NCKAP5L: variants seen among roughly 807,000 people sequenced by gnomAD.
NCKAP5L encodes NCK associated protein 5 like, also known as nck-associated protein 5-like.
NCKAP5L carries 54 observed loss-of-function variants against 103.2 expected under a neutral mutation model. The observed-to-expected ratio is 0.52, with a 90% confidence interval of 0.42 to 0.66. The LOEUF (loss-of-function observed/expected upper bound fraction) is 0.66. Ranked by LOEUF, NCKAP5L falls within the 30% of genes least tolerant of loss-of-function variation. The pLI, the probability that NCKAP5L is intolerant of heterozygous loss-of-function variation, is 0.00. For synonymous variants in NCKAP5L, 762 were observed against 748.6 expected (o/e 1.02, Z -0.29); for missense variants, 1,733 against 1,750.6 (o/e 0.99, Z 0.18).
intron 1 of NCKAP5L, among the ~76,000 whole-genome samples, chr12:49,809,005 A>G (rs1946211208): frequency 6.6e-6 from 1 of 151,930 alleles, no homozygotes; most frequent in African/African-American, 2.4e-5. Flanking sequence ...AGGGGGGAGA[A>G]GAGCGGAGTC....
At chr12:49,824,100 C>A (rs1029885779) in intron 1 of NCKAP5L, among the ~76,000 whole-genome samples, 5 of 152,154 alleles carry the variant, frequency 3.3e-5, no homozygotes, top group Admixed American at 2.6e-4. Flanking sequence ...GAAGAAAGAC[C>A]CAGATATGTG....
At position 49,795,459 on chromosome 12, in the gene NCKAP5L, C is replaced by A. The variant is rs775207927; in HGVS notation, c.2401G>T (p.Ala801Ser). 2.6e-6 allele frequency: 4 copies of A among 1,559,638 alleles called. No homozygotes were observed. Among genetic ancestry groups the A allele is most frequent in the Non-Finnish European group, 3.5e-6 (4 of 1,158,792 alleles). Residue 801 changes from alanine to serine, a missense_variant, in exon 8 of 13, where the codon GCC (alanine) becomes TCC (serine). By Grantham distance (99) the Ala-to-Ser change is moderately conservative (BLOSUM62 1). Transcript: ENST00000335999. ...PRTPAKVPTS[A>S]PSLGKPNKSP... ...TTATTGGGCTTGCCCAGGCTTGGGGCTGAGGTTGGCACTTTGGCAGGGGTA... is the reference window on the plus strand; with the variant it reads ...TTATTGGGCTTGCCCAGGCTTGGGGATGAGGTTGGCACTTTGGCAGGGGTA...
intron 6 of NCKAP5L, among the ~76,000 whole-genome samples, chr12:49,799,089 T>G (rs978261140): frequency 6.6e-6 from 1 of 152,102 alleles, no homozygotes; most frequent in African/African-American, 2.4e-5. Flanking sequence ...TTCACAGCCT[T>G]TAAACCCTGT....
chr12:49,824,304 G>GC (rs1353138058), intron 1 of NCKAP5L, among the ~76,000 whole-genome samples: 1 of 152,190 alleles, frequency 6.6e-6, no homozygotes, highest in Non-Finnish European at 1.5e-5. Flanking sequence ...CCTCCGAACA[G>GC]CCCCACGCCA....
chr12:49,812,133 A>G (rs1016753482), intron 1 of NCKAP5L, among the ~76,000 whole-genome samples: 1 of 152,116 alleles, frequency 6.6e-6, no homozygotes, highest in Admixed American at 6.5e-5. Flanking sequence ...AATCATCAAC[A>G]TGGTTAATTT....
chr12:49,816,495 C>CAAAAAAAAAA lies in NCKAP5L; in HGVS notation c.-98-10464_-98-10455dup, dbSNP rs1163941989. Among the ~76,000 whole-genome samples, 200 of 49,422 alleles carry CAAAAAAAAAA rather than the reference C, an allele frequency of 4.0e-3. 15 individuals are homozygous for CAAAAAAAAAA. The highest frequency in any genetic ancestry group is 0.013 in the African/African-American group (170 of 13,048). The allele number at this position is 49,422 out of a possible 152,430, so 32.4% of individuals were successfully genotyped here. On this transcript the variant is annotated intron_variant, in intron 1 of 12. Coordinates refer to ENST00000335999, the MANE Select transcript of NCKAP5L (RefSeq NM_001037806.4). ...ACCCTTTCAAAGTTCTCAACCCTCT[C>CAAAAAAAAAA]AAAAAAAAAAAAAAAAAAAAAAGGC... is the stretch of plus-strand genomic sequence containing the variant.
chr12:49,803,109 G>A lies in NCKAP5L; in HGVS notation c.180C>T (p.Arg60=), dbSNP rs1164044709. 6.2e-7 allele frequency: 1 copy of A among 1,614,164 alleles called. No individual in the cohort carries two copies. Among genetic ancestry groups the A allele is most frequent in the Admixed American group, 1.7e-5 (1 of 60,016 alleles). The change falls in exon 4 of 13, where the codon CGC becomes CGT. Residue 60 remains arginine, a synonymous_variant. Transcript: ENST00000335999. ...ANENQRETYE[R]CLDEVANHVV... is the part of the protein sequence containing the mutation. ...CAGACCCACAGACCTCGTCCAGACAGCGCTCATAAGTCTCCCGCTGGTTTT... is the reference window on the plus strand; with the variant it reads ...CAGACCCACAGACCTCGTCCAGACAACGCTCATAAGTCTCCCGCTGGTTTT...
At chr12:49,801,992 GGAA>G (rs1946125489) in intron 5 of NCKAP5L, 25 bp from the exon 6 acceptor site, 5 of 1,612,292 alleles carry the variant, frequency 3.1e-6, no homozygotes, top group Admixed American at 1.7e-5. Flanking sequence ...GGGAAGTGCA[GGAA>G]GAAGAGGTGA....
intron 8 of NCKAP5L, 52 bp from the exon 9 acceptor site, chr12:49,793,948 T>A: frequency 7.1e-7 from 1 of 1,409,546 alleles, no homozygotes; most frequent in South Asian, 1.7e-5. Flanking sequence ...TGCCCAGACA[T>A]TCCAGCCTTG....
chr12:49,804,774 G>C (rs1419163541), intron 2 of NCKAP5L: 1 of 152,254 alleles, frequency 6.6e-6, no homozygotes, highest in Non-Finnish European at 1.5e-5. Context: ...CCCTTACAGG[G>C]TCATTGTGAG....
chr12:49,821,122 T>C (rs566935624), intron 1 of NCKAP5L, among the ~76,000 whole-genome samples: 26 of 152,288 alleles, frequency 1.7e-4, no homozygotes, highest in Non-Finnish European at 3.5e-4. Context: ...CTTCAAGGCC[T>C]GTAGGCTTTC....
chr12:49,793,901 G>A lies in NCKAP5L; in HGVS notation c.3096-5C>T. On this transcript the variant is annotated splice_polypyrimidine_tract_variant and splice_region_variant and intron_variant, in intron 8 of 12. Transcript: ENST00000335999. ...GGCAGCTCCTTGCCATCCACCCTAT[G>A]GGCAACAGTGCAGATATAGGTGAGG... The A allele has an allele frequency of 6.5e-7, 1 of 1,533,276 alleles. No homozygotes were observed. Among genetic ancestry groups the A allele is most frequent in the Non-Finnish European group, 8.8e-7 (1 of 1,139,862 alleles). The allele number at this position is 1,533,276 out of a possible 1,614,324, so 95.0% of individuals were successfully genotyped here.
intron 1 of NCKAP5L, among the ~76,000 whole-genome samples, chr12:49,809,439 C>T (rs1051581426): frequency 1.3e-5 from 2 of 152,104 alleles, no homozygotes; most frequent in African/African-American, 4.8e-5. Context: ...ACCAGCTGTT[C>T]CCCCCAGAGT....
intron 5 of NCKAP5L, chr12:49,802,472 C>A (rs1946131136): frequency 1.2e-5 from 2 of 168,038 alleles, no homozygotes; most frequent in Non-Finnish European, 2.6e-5. Context: ...TAGTCTTGAT[C>A]TCTTGACCTC....
intron 1 of NCKAP5L, among the ~76,000 whole-genome samples, chr12:49,820,003 T>C (rs1463270641): frequency 1.3e-5 from 2 of 152,194 alleles, no homozygotes; most frequent in Non-Finnish European, 2.9e-5. Flanking sequence ...CATTTGAAGG[T>C]GATGGTTTCC....
chr12:49,816,026 T>C (rs1946291200), intron 1 of NCKAP5L, among the ~76,000 whole-genome samples: 1 of 152,168 alleles, frequency 6.6e-6, no homozygotes, highest in Admixed American at 6.5e-5. Context: ...CCAGAGCAAC[T>C]CTTCGGACAA....
chr12:49,819,311 CAAAA>C (rs60803272), intron 1 of NCKAP5L, among the ~76,000 whole-genome samples: 1,714 of 125,056 alleles, frequency 0.014, 38 homozygotes, highest in African/African-American at 0.047. Context: ...GACTCCGCTT[CAAAA>C]AAAAAAAAAA....
chr12:49,804,294 C>G (rs1244129011), intron 2 of NCKAP5L: 3 of 340,216 alleles, frequency 8.8e-6, no homozygotes, highest in Non-Finnish European at 1.6e-5. Flanking sequence ...GCCCCATACT[C>G]ACACAAGAAA....
Position 49,795,115 on chromosome 12 carries a change from G to A in NCKAP5L, c.2745C>T (p.Ser915=). ...TAAGGCCGAACCAGCTGGCGATGCT[G>A]CTGGTGTTGCGGTGCTTGACCTCGG... The part of the protein sequence containing the change: ...PGAEVKHRNT[S]SIASWFGLKK... Residue 915 remains serine (S), a synonymous_variant, in exon 8 of 13, where the codon AGC becomes AGT. Transcript: ENST00000335999. The A allele has an allele frequency of 6.2e-7, 1 of 1,613,340 alleles. No homozygotes were observed.
Sources: allele counts gnomAD v4.1 joint callset (sites outside exome capture counted in the v4.1 genomes callset), GRCh38; gene constraint gnomAD v4.1.1; transcripts MANE v1.5; gene names NCBI Gene and HGNC (gene_info 2026-07-23, HGNC 2026-07-21).